SLC28A1: variants seen among roughly 807,000 people sequenced by gnomAD.
The protein encoded by SLC28A1 is sodium/nucleoside cotransporter 1.
Under a neutral mutation model 74.8 loss-of-function variants are expected in SLC28A1, and 64 were observed. The ratio of observed to expected loss-of-function variants is 0.86; its 90% CI spans 0.70 to 1.05. The LOEUF is 1.05. Among genes scored for constraint, SLC28A1 ranks in the 50% least tolerant of loss-of-function variants. The pLI is 0.00. For missense variants in SLC28A1, 828 were observed against 822.8 expected, an observed-to-expected ratio of 1.01 and a Z score of -0.08; for synonymous variants, 359 against 335.0, an observed-to-expected ratio of 1.07 and a Z score of -0.78.
In SLC28A1 at chr15:84,930,925, AC is replaced by A. The variant is rs2141987546; in HGVS notation, c.1084-2219del. Among the ~76,000 whole-genome samples, 2 of 152,070 alleles carry A rather than the reference AC, an allele frequency of 1.3e-5. 1 individual carries two copies. Among genetic ancestry groups the A allele is most frequent in the Admixed American group, 1.3e-4 (2 of 15,290 alleles). Reference sequence around the variant, plus strand: ...GCTGGGATTACAGGCACACACCACCACACCCGGATAATTTTTCTCTATTTTT... The same window carrying A: ...GCTGGGATTACAGGCACACACCACCAACCCGGATAATTTTTCTCTATTTTT... On this transcript the variant is annotated intron_variant, in intron 12 of 18. Transcript: ENST00000394573.
rs143582225 is a variant in SLC28A1, at chr15:84,919,987, A to C, written c.877-1002A>C. ...GAAAGGGATTGAAACCATGCCCTCCACAAAATGGTTGAAGGAATAGGGAAT... is the reference window on the plus strand; with the variant it reads ...GAAAGGGATTGAAACCATGCCCTCCCCAAAATGGTTGAAGGAATAGGGAAT... On this transcript the variant is annotated intron_variant, in intron 10 of 18. Coordinates refer to ENST00000394573, the MANE Select transcript of SLC28A1 (RefSeq NM_004213.5). 1.2e-3 allele frequency among the ~76,000 whole-genome samples: 178 copies of C among 152,350 alleles called. 2 individuals are homozygous for C. The highest frequency in any genetic ancestry group is 6.0e-3 in the East Asian group (31 of 5,188).
intron 12 of SLC28A1, among the ~76,000 whole-genome samples, chr15:84,925,067 GTTTTTTTTTT>G (rs964017770): frequency 0.048 from 4,004 of 84,174 alleles, 71 homozygotes; most frequent in East Asian, 0.089. Flanking sequence ...CGCCCAGCTA[GTTTTTTTTTT>G]TTTTTTTTTT....
chr15:84,971,947 C>T, the SLC28A1 span, among the ~76,000 whole-genome samples: 1 of 152,182 alleles, frequency 6.6e-6, no homozygotes, highest in Non-Finnish European at 1.5e-5. Context: ...ACACCCAGCC[C>T]TCTTTTCTTT....
At chr15:84,913,064 C>A (rs895439083) in intron 9 of SLC28A1, among the ~76,000 whole-genome samples, 18 of 152,212 alleles carry the variant, frequency 1.2e-4, no homozygotes, top group Non-Finnish European at 2.4e-4. Flanking sequence ...ATGCTGAGGC[C>A]ATTCTGGGCA....
At chr15:84,952,157 C>T in the SLC28A1 span, among the ~76,000 whole-genome samples, 3 of 152,152 alleles carry the variant, frequency 2.0e-5, no homozygotes, top group Non-Finnish European at 4.4e-5. Context: ...TCTCAGGTCC[C>T]CATCCTGCTC....
intron 9 of SLC28A1, 149 bp from the exon 10 acceptor site, chr15:84,918,375 T>C (rs1969393247): frequency 1.4e-6 from 1 of 735,548 alleles, no homozygotes. Context: ...CTTCATGCAC[T>C]GATCTCAGAG....
chr15:84,955,478 T>A, the SLC28A1 span, among the ~76,000 whole-genome samples: 1 of 152,112 alleles, frequency 6.6e-6, no homozygotes, highest in Non-Finnish European at 1.5e-5. Flanking sequence ...ATACAGAAGC[T>A]CTTGGAACAC....
At chr15:84,888,732 T>G in intron 3 of SLC28A1, 40 bp from the exon 4 acceptor site, 1 of 1,459,800 alleles carries the variant, frequency 6.9e-7, no homozygotes, top group East Asian at 2.5e-5. Context: ...TGGGGGTGGG[T>G]AAGGGGCAGG....
At chr15:84,891,305 G>C (rs1965343853) in intron 5 of SLC28A1, among the ~76,000 whole-genome samples, 1 of 152,154 alleles carries the variant, frequency 6.6e-6, no homozygotes, top group Non-Finnish European at 1.5e-5. Context: ...AGCTGTACTT[G>C]GCAATGACTG....
the SLC28A1 span, among the ~76,000 whole-genome samples, chr15:84,968,877 A>G: frequency 6.6e-6 from 1 of 152,182 alleles, no homozygotes; most frequent in African/African-American, 2.4e-5. Flanking sequence ...CCCCTGACTG[A>G]TCCCAGAGAG....
chr15:84,898,579 CAA>C (rs34936074), intron 6 of SLC28A1, among the ~76,000 whole-genome samples: 34,029 of 138,038 alleles, frequency 0.25, 4,241 homozygotes, highest in Middle Eastern at 0.35. Context: ...ACTCCATCAC[CAA>C]AAAAAAAAAA....
Position 84,895,086 on chromosome 15 carries a change from C to G in SLC28A1, c.424C>G (p.Pro142Ala), listed in dbSNP as rs1314607570. ...GCCAAAGCTGAGGAGGTTTCTCAAG[C>G]CTCAGGGCCATCCCCGCCTGCTGCT... ...LGPKLRRFLK[P>A]QGHPRLLLWF... The change falls in exon 6 of 19, where the codon CCT becomes GCT. Residue 142 changes from proline (P) to alanine (A), a missense_variant. Pro to Ala is a conservative substitution (Grantham distance 27). This residue lies in a region of SLC28A1 where 767 missense variants were observed against 753.5 expected (regional missense o/e 1.02). Transcript: ENST00000394573. 1 of 1,610,072 alleles carries G rather than the reference C, an allele frequency of 6.2e-7. No homozygotes were observed. Among genetic ancestry groups the G allele is most frequent in the South Asian group, 1.1e-5 (1 of 90,950 alleles).
At position 84,906,566 on chromosome 15, in the gene SLC28A1, CT is replaced by C. The variant is rs1567140553; in HGVS notation, c.717+917del. Reference sequence around the variant, plus strand: ...TTTCTTTCTTTCTTTCTTTCTTTCTCTTTCTTTCTTCCTTCCTTCCTTCCTT... The same window carrying C: ...TTTCTTTCTTTCTTTCTTTCTTTCTCTTCTTTCTTCCTTCCTTCCTTCCTT... On this transcript the variant is annotated intron_variant, in intron 8 of 18. Transcript: ENST00000394573. Among the ~76,000 whole-genome samples, 42 of 10,234 alleles carry C rather than the reference CT, an allele frequency of 4.1e-3. 1 individual carries two copies. The highest frequency in any genetic ancestry group is 0.012 in the African/African-American group (40 of 3,412). The allele number at this position is 10,234 out of a possible 152,430, so 6.7% of individuals were successfully genotyped here.
Position 84,895,063 on chromosome 15 carries a change from C to A in SLC28A1, c.401C>A (p.Pro134Gln). The change falls in exon 6 of 19, where the codon CCA becomes CAA. Residue 134 changes from proline to glutamine, a missense_variant. By Grantham distance (76) the Pro-to-Gln change is moderately conservative (BLOSUM62 -1). Transcript: ENST00000394573. Reference protein sequence around the residue: ...GHRLLKRLLGPKLRRFLKPQG... With the variant: ...GHRLLKRLLGQKLRRFLKPQG... ...CGCCTGCTGAAACGGCTTCTGGGGC[C>A]AAAGCTGAGGAGGTTTCTCAAGCCT... 6.2e-7 allele frequency: 1 copy of A among 1,603,716 alleles called. No homozygotes were observed. Among genetic ancestry groups the A allele is most frequent in the Non-Finnish European group, 8.5e-7 (1 of 1,175,378 alleles).
At chr15:84,948,127 AC>A (rs1264838980), downstream of SLC28A1, among the ~76,000 whole-genome samples, 1 of 151,692 alleles carries the variant, frequency 6.6e-6, no homozygotes, top group Non-Finnish European at 1.5e-5. Context: ...GGCTACATTG[AC>A]CCCCCTTCTG....
chr15:84,889,737 C>CTTCT (rs1567114155), intron 4 of SLC28A1, among the ~76,000 whole-genome samples: 1 of 98,148 alleles, frequency 1.0e-5, no homozygotes. Flanking sequence ...TCCTTCCTTC[C>CTTCT]TTCCTTCCTT....
chr15:84,944,519 A>G, intron 16 of SLC28A1, 47 bp from the exon 17 acceptor site: 1 of 1,349,230 alleles, frequency 7.4e-7, no homozygotes, highest in Non-Finnish European at 1.1e-6. Flanking sequence ...ACGCGGGCAG[A>G]GAGGGACACA....
chr15:84,928,602 CTT>C (rs374994469), intron 12 of SLC28A1, among the ~76,000 whole-genome samples: 13 of 8,306 alleles, frequency 1.6e-3, no homozygotes, highest in Non-Finnish European at 1.8e-3. Context: ...TTCTTTCTTT[CTT>C]TTCTTTCTTT....
chr15:84,934,620 A>G (rs897645154), intron 13 of SLC28A1, among the ~76,000 whole-genome samples: 2 of 152,208 alleles, frequency 1.3e-5, no homozygotes, highest in African/African-American at 2.4e-5. Context: ...TTGTCTTTTA[A>G]AAAGTGAAAA....
Sources: allele counts gnomAD v4.1 joint callset (sites outside exome capture counted in the v4.1 genomes callset), GRCh38; gene constraint gnomAD v4.1.1; regional missense constraint gnomAD v4.1.1; transcripts MANE v1.5; gene names NCBI Gene and HGNC (gene_info 2026-07-23, HGNC 2026-07-21).